CFAP54: variants seen among roughly 807,000 people sequenced by gnomAD.
CFAP54 encodes the protein cilia- and flagella-associated protein 54.
In CFAP54, 290 loss-of-function variants were observed where a neutral mutation model predicts 370.4. That is an observed-to-expected ratio of 0.78 (90% CI 0.71 to 0.86). The LOEUF (loss-of-function observed/expected upper bound fraction) is 0.86. CFAP54 is among the 40% of genes least tolerant of loss of function. The probability of loss-of-function intolerance (pLI) is 0.00; values close to 1 mark genes in which losing one functional copy is unlikely to be tolerated. For synonymous variants in CFAP54, 1,206 were observed against 1,236.5 expected, an observed-to-expected ratio of 0.98 and a Z score of 0.52; for missense variants, 3,399 against 3,528.7, an observed-to-expected ratio of 0.96 and a Z score of 0.93.
intron 32 of CFAP54, among the ~76,000 whole-genome samples, chr12:96,637,276 T>G (rs1196708114): frequency 6.6e-6 from 1 of 152,224 alleles, no homozygotes; most frequent in Admixed American, 6.5e-5. Context: ...TACATCACAT[T>G]TTGTCTATCC....
intron 63 of CFAP54, among the ~76,000 whole-genome samples, chr12:96,806,848 G>A (rs1019533628): frequency 1.3e-5 from 2 of 152,142 alleles, no homozygotes; most frequent in Admixed American, 6.6e-5. Context: ...GATAGGGACT[G>A]ACATTTGAAA....
intron 50 of CFAP54, among the ~76,000 whole-genome samples, chr12:96,738,604 T>A (rs1377098937): frequency 3.5e-5 from 3 of 84,664 alleles, no homozygotes; most frequent in Non-Finnish European, 6.6e-5. Flanking sequence ...TATGTCTAAA[T>A]CTCCTTTTTT....
At chr12:96,557,356 A>T (rs725214) in intron 17 of CFAP54, among the ~76,000 whole-genome samples, 1 of 152,142 alleles carries the variant, frequency 6.6e-6, no homozygotes, top group African/African-American at 2.4e-5. Context: ...TTCATAGAAA[A>T]GGAAGAAGTT....
chr12:96,798,237 C>T (rs962395943), intron 63 of CFAP54, among the ~76,000 whole-genome samples: 1 of 151,920 alleles, frequency 6.6e-6, no homozygotes, highest in African/African-American at 2.4e-5. Flanking sequence ...TTAGACGTTT[C>T]TTCTAGGATT....
intron 63 of CFAP54, among the ~76,000 whole-genome samples, chr12:96,804,476 A>G (rs544533310): frequency 6.6e-6 from 1 of 152,278 alleles, no homozygotes; most frequent in South Asian, 2.1e-4. Context: ...ATATACCAAT[A>G]ATGATCTAAC....
intron 17 of CFAP54, among the ~76,000 whole-genome samples, chr12:96,559,588 T>A (rs1955794470): frequency 6.6e-6 from 1 of 152,172 alleles, no homozygotes. Flanking sequence ...CATATAAATA[T>A]GTATATTTAT....
intron 19 of CFAP54, chr12:96,572,830 C>G: frequency 4.1e-6 from 4 of 982,124 alleles, no homozygotes; most frequent in Non-Finnish European, 4.8e-6. Flanking sequence ...ATAGATGATA[C>G]TGATCAACAG....
chr12:96,735,733 A>G (rs1006123847), intron 50 of CFAP54, among the ~76,000 whole-genome samples: 8 of 152,322 alleles, frequency 5.3e-5, no homozygotes, highest in African/African-American at 1.7e-4. Flanking sequence ...TTCATCCTAT[A>G]TGTAGGGAAT....
chr12:96,869,879 G>T (rs1421607990), intron 67 of CFAP54, among the ~76,000 whole-genome samples: 1 of 144,422 alleles, frequency 6.9e-6, no homozygotes, highest in Non-Finnish European at 1.5e-5. Flanking sequence ...AGGTTGCAGA[G>T]AGCCGAGATT....
chr12:96,641,730 A>G (rs1041702425), intron 32 of CFAP54, among the ~76,000 whole-genome samples: 1 of 152,242 alleles, frequency 6.6e-6, no homozygotes. Flanking sequence ...CATATACACC[A>G]TGGAATACTA....
At chr12:96,567,206 G>A (rs1592854493) in intron 19 of CFAP54, among the ~76,000 whole-genome samples, 2 of 152,174 alleles carry the variant, frequency 1.3e-5, no homozygotes, top group African/African-American at 4.8e-5. Context: ...GTCATAGAGT[G>A]CTTGTAGTTC....
chr12:96,642,126 C>G (rs1592902004), intron 32 of CFAP54, among the ~76,000 whole-genome samples: 1 of 151,280 alleles, frequency 6.6e-6, no homozygotes, highest in Non-Finnish European at 1.5e-5. Flanking sequence ...TGTGGATATT[C>G]TTTATCAAAT....
At chr12:96,792,615 A>G (rs1958714622) in intron 63 of CFAP54, 116 bp downstream of exon 63, 3 of 699,544 alleles carry the variant, frequency 4.3e-6, no homozygotes, top group Middle Eastern at 6.0e-4. Flanking sequence ...ACAGGTATCA[A>G]TATATAATCT....
At chr12:96,797,984 T>A (rs942235328) in intron 63 of CFAP54, among the ~76,000 whole-genome samples, 13 of 152,076 alleles carry the variant, frequency 8.5e-5, no homozygotes, top group Middle Eastern at 3.2e-3. Flanking sequence ...AAATTATGCA[T>A]TCTTTTTGTG....
rs560199550 is a variant in CFAP54, at chr12:96,835,400, G to A, written c.9171+6312G>A. On this transcript the variant is annotated intron_variant, in intron 66 of 67. Transcript: ENST00000524981. ...TCCATAGGTGGCCAAGGGTGGGCCC[G>A]GAAAAGGCACCATAAGTCCCCACTC... Among the ~76,000 whole-genome samples, 16 of 152,178 alleles carry A rather than the reference G, an allele frequency of 1.1e-4. No homozygotes were observed. The South Asian group carries it at 3.3e-3, about 32-fold the overall frequency.
At chr12:96,592,190 T>C (rs1956132251) in intron 23 of CFAP54, among the ~76,000 whole-genome samples, 1 of 152,120 alleles carries the variant, frequency 6.6e-6, no homozygotes, top group South Asian at 2.1e-4. Flanking sequence ...GATAGAAAAA[T>C]TGGACAGTGA....
At chr12:96,583,055 C>T (rs1956045913) in intron 22 of CFAP54, among the ~76,000 whole-genome samples, 1 of 152,100 alleles carries the variant, frequency 6.6e-6, no homozygotes. Context: ...GGAGACGTTT[C>T]ACTAAATGCC....
At chr12:96,584,394 G>A (rs1167620873) in intron 22 of CFAP54, among the ~76,000 whole-genome samples, 2 of 152,168 alleles carry the variant, frequency 1.3e-5, no homozygotes, top group African/African-American at 4.8e-5. Context: ...GGCCCAGGAG[G>A]TGGAGGTTGC....
intron 50 of CFAP54, among the ~76,000 whole-genome samples, chr12:96,733,342 A>T (rs1342549227): frequency 6.6e-6 from 1 of 152,166 alleles, no homozygotes; most frequent in Non-Finnish European, 1.5e-5. Context: ...TTGACATTTC[A>T]TGATACTTCT....
Sources: gnomAD v4.1 joint callset for allele counts (sites outside exome capture counted in the v4.1 genomes callset) on GRCh38, gnomAD v4.1.1 for gene constraint, MANE v1.5 for transcripts, NCBI Gene and HGNC (gene_info 2026-07-23, HGNC 2026-07-21) for gene names.